The following RALYL variants were observed in gnomAD, a reference collection of about 807,000 sequenced individuals.
The protein encoded by RALYL is RALY RNA binding protein like.
In RALYL, 29 loss-of-function variants were observed where a neutral mutation model predicts 35.1. The observed-to-expected ratio is 0.83, with a 90% CI of 0.61 to 1.13. The LOEUF is 1.13. Among genes scored for constraint, RALYL ranks in the 50% most tolerant of loss-of-function variants. The pLI is 0.00. For synonymous variants in RALYL, 120 were observed against 127.6 expected, an observed-to-expected ratio of 0.94 and a Z score of 0.40; for missense variants, 359 against 360.4, an observed-to-expected ratio of 1.00 and a Z score of 0.03.
chr8:84,405,959 T>C (rs2043441471), intron 1 of RALYL, among the ~76,000 whole-genome samples: 1 of 150,794 alleles, frequency 6.6e-6, no homozygotes, highest in Non-Finnish European at 1.5e-5. Flanking sequence ...TTTTCATTCT[T>C]AATGGATAAT....
chr8:84,738,199 G>A (rs1349456722), intron 2 of RALYL, among the ~76,000 whole-genome samples: 1 of 151,984 alleles, frequency 6.6e-6, no homozygotes, highest in African/African-American at 2.4e-5. Flanking sequence ...AAAGGCTGGA[G>A]GAGGAGTGAC....
At chr8:84,727,292 C>A (rs1334940588) in intron 2 of RALYL, among the ~76,000 whole-genome samples, 1 of 151,946 alleles carries the variant, frequency 6.6e-6, no homozygotes, top group East Asian at 1.9e-4. Flanking sequence ...CTGATCTTCA[C>A]AACAAGCCTG....
intron 4 of RALYL, among the ~76,000 whole-genome samples, chr8:84,832,843 A>C (rs1831190590): frequency 6.6e-6 from 1 of 152,184 alleles, no homozygotes; most frequent in Admixed American, 6.5e-5. Flanking sequence ...ATGTTGTGTC[A>C]TGGTATTTTC....
At chr8:84,615,194 T>G (rs1819195275) in intron 2 of RALYL, among the ~76,000 whole-genome samples, 1 of 151,830 alleles carries the variant, frequency 6.6e-6, no homozygotes, top group South Asian at 2.1e-4. Context: ...GTTACTTTTT[T>G]GCTCTACTCT....
At chr8:84,660,840 A>T (rs1344046383) in intron 2 of RALYL, among the ~76,000 whole-genome samples, 4 of 152,108 alleles carry the variant, frequency 2.6e-5, no homozygotes, top group Non-Finnish European at 5.9e-5. Context: ...TTGAAAAGAA[A>T]GTTTGGATTC....
chr8:84,800,713 T>A (rs1403216918), intron 3 of RALYL, among the ~76,000 whole-genome samples: 1 of 152,210 alleles, frequency 6.6e-6, no homozygotes, highest in Non-Finnish European at 1.5e-5. Flanking sequence ...TCTCTAGGCA[T>A]ATCACAATGT....
At chr8:84,388,270 C>A (rs535533559) in intron 1 of RALYL, among the ~76,000 whole-genome samples, 140 of 152,214 alleles carry the variant, frequency 9.2e-4, no homozygotes, top group African/African-American at 3.1e-3. Context: ...GGTTCCAAGT[C>A]TTTGCTATTG....
chr8:84,323,111 G>A (rs947373772), intron 1 of RALYL, among the ~76,000 whole-genome samples: 4 of 151,908 alleles, frequency 2.6e-5, no homozygotes, highest in Non-Finnish European at 4.4e-5. Flanking sequence ...TGCTTCATAA[G>A]GGCAAGGACT....
At chr8:84,641,125 T>A (rs1826219123) in intron 2 of RALYL, among the ~76,000 whole-genome samples, 2 of 151,436 alleles carry the variant, frequency 1.3e-5, no homozygotes, top group Non-Finnish European at 3.0e-5. Context: ...AATTATTATC[T>A]TTTCTTTATA....
intron 2 of RALYL, among the ~76,000 whole-genome samples, chr8:84,705,335 T>C (rs1841007750): frequency 6.6e-6 from 1 of 152,080 alleles, no homozygotes; most frequent in African/African-American, 2.4e-5. Context: ...TGGAGAGGCT[T>C]CTTGCAAGCA....
intron 2 of RALYL, among the ~76,000 whole-genome samples, chr8:84,733,346 C>T (rs576544169): frequency 1.3e-5 from 2 of 152,212 alleles, no homozygotes; most frequent in South Asian, 4.1e-4. Context: ...CCAAAATTTC[C>T]TTATGCTACC....
intron 5 of RALYL, among the ~76,000 whole-genome samples, chr8:84,860,122 T>C (rs755990878): frequency 2.0e-5 from 3 of 152,156 alleles, no homozygotes; most frequent in Non-Finnish European, 2.9e-5. Context: ...TTGATAAACA[T>C]TTTTGTTTCC....
At chr8:84,402,198 A>T (rs1188132413) in intron 1 of RALYL, among the ~76,000 whole-genome samples, 1 of 152,202 alleles carries the variant, frequency 6.6e-6, no homozygotes, top group Non-Finnish European at 1.5e-5. Context: ...AATAGATGAT[A>T]AATACTGAAA....
intron 1 of RALYL, among the ~76,000 whole-genome samples, chr8:84,432,936 G>A (rs1043128007): frequency 2.0e-5 from 3 of 152,018 alleles, no homozygotes; most frequent in Non-Finnish European, 2.9e-5. Context: ...ATTGTTTTAA[G>A]CCACCCAGTT....
At chr8:84,302,934 G>A (rs569662500) in intron 1 of RALYL, among the ~76,000 whole-genome samples, 25 of 152,316 alleles carry the variant, frequency 1.6e-4, no homozygotes, top group African/African-American at 6.0e-4. Flanking sequence ...GAAATAGTTG[G>A]CGAGACTTTG....
intron 2 of RALYL, among the ~76,000 whole-genome samples, chr8:84,725,347 T>C (rs1472258850): frequency 6.6e-6 from 1 of 151,726 alleles, no homozygotes; most frequent in Non-Finnish European, 1.5e-5. Flanking sequence ...GAAATTTGAT[T>C]TGTGGTAATG....
intron 1 of RALYL, among the ~76,000 whole-genome samples, chr8:84,336,275 C>T (rs138781208): frequency 2.6e-4 from 40 of 152,222 alleles, no homozygotes; most frequent in Admixed American, 4.6e-4. Context: ...GGAGCTGAGA[C>T]GGTTTTTCAC....
chr8:84,761,793 G>T (rs1477530994), intron 2 of RALYL, among the ~76,000 whole-genome samples: 1 of 152,148 alleles, frequency 6.6e-6, no homozygotes, highest in Non-Finnish European at 1.5e-5. Flanking sequence ...ATGGGAGGGG[G>T]TCCAGTAATA....
intron 1 of RALYL, among the ~76,000 whole-genome samples, chr8:84,321,202 G>A (rs184197299): frequency 6.6e-6 from 1 of 152,248 alleles, no homozygotes; most frequent in African/African-American, 2.4e-5. Flanking sequence ...CAAAATGCAC[G>A]AGTGGGACTT....
Sources: allele counts gnomAD v4.1 joint callset (sites outside exome capture counted in the v4.1 genomes callset), GRCh38; gene constraint gnomAD v4.1.1; transcripts MANE v1.5; gene names NCBI Gene and HGNC (gene_info 2026-07-23, HGNC 2026-07-21).